The following RBM20 variants were observed in gnomAD, a reference collection of about 807,000 sequenced individuals.
The protein encoded by RBM20 is RNA binding motif protein 20.
In RBM20, 51 loss-of-function variants were observed where a neutral mutation model predicts 110.1. The ratio of observed to expected loss-of-function variants is 0.46; its 90% CI spans 0.37 to 0.59. RBM20 has a LOEUF of 0.59. Among genes scored for constraint, RBM20 ranks in the 20% least tolerant of loss-of-function variants. The pLI is 0.00. For synonymous variants in RBM20, 589 were observed against 618.2 expected (o/e 0.95, Z 0.70); for missense variants, 1,512 against 1,574.9 (o/e 0.96, Z 0.68).
At chr10:110,754,421 A>T (rs1308320073) in intron 1 of RBM20, among the ~76,000 whole-genome samples, 1 of 152,026 alleles carries the variant, frequency 6.6e-6, no homozygotes, top group Admixed American at 6.6e-5. Context: ...TCTTTTCCAT[A>T]TTACCTCATT....
intron 1 of RBM20, among the ~76,000 whole-genome samples, chr10:110,677,814 T>G (rs1208281030): frequency 6.6e-6 from 1 of 152,210 alleles, no homozygotes; most frequent in Non-Finnish European, 1.5e-5. Flanking sequence ...TGTAGACATC[T>G]CTCTAAAAAT....
chr10:110,766,981 G>A (rs1318142241), intron 1 of RBM20, among the ~76,000 whole-genome samples: 2 of 149,048 alleles, frequency 1.3e-5, no homozygotes, highest in African/African-American at 4.9e-5. Flanking sequence ...CTCCCGGACG[G>A]GGCGGCTGGC....
chr10:110,661,246 A>C lies in RBM20; in HGVS notation c.191+16601A>C, dbSNP rs142590177. ...TGTGATTCAGGAAACTGAAAGTGGA[A>C]GGTGTTAGAAGATTGTAGCCTCTGC... On this transcript the variant is annotated intron_variant, in intron 1 of 13. Transcript: ENST00000369519. Among the ~76,000 whole-genome samples the C allele has an allele frequency of 5.3e-3, 807 of 152,324 alleles. 9 individuals carry two copies. Among genetic ancestry groups the C allele is most frequent in the African/African-American group, 0.019 (780 of 41,558 alleles).
At chr10:110,713,485 G>A (rs942054555) in intron 1 of RBM20, among the ~76,000 whole-genome samples, 1 of 152,156 alleles carries the variant, frequency 6.6e-6, no homozygotes, top group South Asian at 2.1e-4. Flanking sequence ...CAAAGATGAG[G>A]CCCTAAATCT....
intron 1 of RBM20, among the ~76,000 whole-genome samples, chr10:110,675,613 C>A (rs1274191346): frequency 1.3e-5 from 2 of 152,300 alleles, no homozygotes; most frequent in South Asian, 4.1e-4. Context: ...CTTTCAGAGT[C>A]TGTTCTTCAC....
At chr10:110,763,751 C>CTTTTTTTTTTTTTTTTT (rs56845100) in intron 1 of RBM20, among the ~76,000 whole-genome samples, 1 of 64,384 alleles carries the variant, frequency 1.6e-5, no homozygotes, top group Non-Finnish European at 2.9e-5. Flanking sequence ...GGCTTCTTGG[C>CTTTTTTTTTTTTTTTTT]TTTTTTTTTT....
In RBM20 at chr10:110,644,763, A is replaced by C. The variant is rs895963682; in HGVS notation, c.191+118A>C. On this transcript the variant is annotated intron_variant, in intron 1 of 13. Transcript: ENST00000369519. The surrounding 1 kb of genome is among the most constrained non-coding windows in gnomAD (Gnocchi z 4.3). ...CTTCGCTCGCCCCCCTTGGGTTTGA[A>C]GTTTTCTCGTACCCCCTCTGGGCAG... is the stretch of plus-strand genomic sequence containing the variant. 2.7e-6 allele frequency: 2 copies of C among 750,286 alleles called. No individual in the cohort carries two copies. The highest frequency in any genetic ancestry group is 4.0e-6 in the Non-Finnish European group (2 of 498,294). 46.5% of individuals were successfully genotyped at this position (750,286 alleles called of 1,614,324 possible). A position where few individuals can be genotyped will look rare whatever the true frequency, so the allele number is the denominator to read the frequency against.
chr10:110,772,274 ATCT>A (rs1240723019), intron 1 of RBM20, among the ~76,000 whole-genome samples: 1 of 152,226 alleles, frequency 6.6e-6, no homozygotes, highest in African/African-American at 2.4e-5. Flanking sequence ...CATTTACTAA[ATCT>A]TCAGGGATAT....
intron 1 of RBM20, among the ~76,000 whole-genome samples, chr10:110,755,658 A>G (rs1407639099): frequency 6.6e-6 from 1 of 152,220 alleles, no homozygotes; most frequent in African/African-American, 2.4e-5. Flanking sequence ...TTGCTTTAAG[A>G]TATTAGTAGC....
intron 9 of RBM20, among the ~76,000 whole-genome samples, chr10:110,818,309 C>CAAAAAAAAAAA (rs1466741507): frequency 5.0e-5 from 6 of 119,800 alleles, no homozygotes; most frequent in Admixed American, 9.3e-5. Context: ...AAAAAAAAAC[C>CAAAAAAAAAAA]AAAACGACAA....
intron 7 of RBM20, among the ~76,000 whole-genome samples, chr10:110,808,765 T>C (rs947814254): frequency 6.6e-6 from 1 of 152,072 alleles, no homozygotes; most frequent in African/African-American, 2.4e-5. Flanking sequence ...TCTGTGTTTT[T>C]CCCAGCCCAA....
chr10:110,743,071 C>T lies in RBM20; in HGVS notation c.192-37730C>T, dbSNP rs550873644. Among the ~76,000 whole-genome samples, 3 of 152,328 alleles carry T rather than the reference C, an allele frequency of 2.0e-5. No homozygotes were observed. In the South Asian group the frequency reaches 6.2e-4, roughly 32 times the overall value. On this transcript the variant is annotated intron_variant, in intron 1 of 13. Coordinates refer to ENST00000369519, the MANE Select transcript of RBM20 (RefSeq NM_001134363.3). ...AGAGCACCTCAAGCCTGGCAGGGTT[C>T]CGAAAACCTCAGGGTTTAATCACTC...
At chr10:110,778,067 C>T (rs912630239) in intron 1 of RBM20, among the ~76,000 whole-genome samples, 6 of 152,184 alleles carry the variant, frequency 3.9e-5, no homozygotes, top group Admixed American at 6.5e-5. Flanking sequence ...AGACATTGGT[C>T]GCTCCCCATT....
intron 1 of RBM20, among the ~76,000 whole-genome samples, chr10:110,691,675 C>A (rs955039101): frequency 6.6e-6 from 1 of 152,028 alleles, no homozygotes; most frequent in Non-Finnish European, 1.5e-5. Context: ...AGAATATAAC[C>A]CTTTATCAAG....
intron 1 of RBM20, among the ~76,000 whole-genome samples, chr10:110,685,449 G>C (rs1862489216): frequency 6.6e-6 from 1 of 152,188 alleles, no homozygotes; most frequent in South Asian, 2.1e-4. Context: ...TGTTCAGAAT[G>C]GTCATGGGGT....
At chr10:110,740,661 A>C (rs996212698) in intron 1 of RBM20, among the ~76,000 whole-genome samples, 1 of 152,136 alleles carries the variant, frequency 6.6e-6, no homozygotes, top group Non-Finnish European at 1.5e-5. Context: ...TGTTCACTGG[A>C]GTGGCCCGAG....
At chr10:110,667,304 T>C (rs1419264099) in intron 1 of RBM20, among the ~76,000 whole-genome samples, 1 of 152,214 alleles carries the variant, frequency 6.6e-6, no homozygotes, top group Non-Finnish European at 1.5e-5. Flanking sequence ...CTGAACCCCA[T>C]GATATTCTCC....
rs150361036 is a variant in RBM20 at position 110,747,666 on chromosome 10, C to A, written c.192-33135C>A. On this transcript the variant is annotated intron_variant, in intron 1 of 13. Coordinates refer to ENST00000369519, the MANE Select transcript of RBM20 (RefSeq NM_001134363.3). ...AGGGTTTGAGGTACTTGGCTGGGAC[C>A]AAAAGTAAGTGATGCATCCAAGGCT... Among the ~76,000 whole-genome samples the A allele has an allele frequency of 1.1e-3, 164 of 152,232 alleles. 4 individuals carry two copies. The East Asian group carries it at 0.031, about 29-fold the overall frequency.
At chr10:110,647,328 T>C (rs1861883372) in intron 1 of RBM20, among the ~76,000 whole-genome samples, 1 of 152,234 alleles carries the variant, frequency 6.6e-6, no homozygotes, top group Non-Finnish European at 1.5e-5. Context: ...CATCTAGAGT[T>C]AATTTCTCTG....
Sources: gnomAD v4.1 joint callset for allele counts (sites outside exome capture counted in the v4.1 genomes callset) on GRCh38, gnomAD v4.1.1 for gene constraint, Gnocchi (gnomAD v3.1) non-coding constraint, MANE v1.5 for transcripts, NCBI Gene and HGNC (gene_info 2026-07-23, HGNC 2026-07-21) for gene names.